ARHGAP35: variants seen among roughly 807,000 people sequenced by gnomAD.
ARHGAP35 encodes rho GTPase-activating protein 35.
ARHGAP35 carries 15 observed loss-of-function variants against 111.1 expected under a neutral mutation model. The ratio of observed to expected loss-of-function variants is 0.13; its 90% CI spans 0.09 to 0.21. The LOEUF (loss-of-function observed/expected upper bound fraction) is 0.21. Ranked by LOEUF, ARHGAP35 falls within the 10% of genes least tolerant of loss-of-function variation. ARHGAP35 has a pLI of 1.00. For missense variants in ARHGAP35, 1,262 were observed against 1,873.0 expected (o/e 0.67, Z 6.02); for synonymous variants, 643 against 710.3 (o/e 0.91, Z 1.51).
chr19:46,908,257 C>T lies in ARHGAP35; in HGVS notation c.-188-10231C>T, dbSNP rs1439293994. ...GGAATAATTTTATAGGTTTTACTTA[C>T]CCTTTTGAAAATCAATGTAAAATTG... On this transcript the variant is annotated intron_variant, in intron 1 of 6. Coordinates refer to ENST00000672722, the MANE Select transcript of ARHGAP35 (RefSeq NM_004491.5). This position sits in a 1 kb window ranked among gnomAD's most constrained non-coding sequence, Gnocchi z 4.2. Among the ~76,000 whole-genome samples, 5 of 152,184 alleles carry T rather than the reference C, an allele frequency of 3.3e-5. No homozygotes were observed. Among genetic ancestry groups the T allele is most frequent in the Non-Finnish European group, 4.4e-5 (3 of 68,032 alleles).
At chr19:46,893,631 C>G (rs749028019) in intron 1 of ARHGAP35, among the ~76,000 whole-genome samples, 2 of 151,770 alleles carry the variant, frequency 1.3e-5, no homozygotes, top group Non-Finnish European at 2.9e-5. Flanking sequence ...TTTTGCCCCC[C>G]TTGGTTTTGA....
rs375010889 is a variant in ARHGAP35, at chr19:46,988,119, C to T, written c.3904+53C>T. 8.5e-5 allele frequency: 131 copies of T among 1,540,008 alleles called. No homozygotes were observed. In the African/African-American group the frequency reaches 1.5e-3, roughly 18 times the overall value. On this transcript the variant is annotated intron_variant, in intron 4 of 6. Transcript: ENST00000672722. This position sits in a 1 kb window ranked among gnomAD's most constrained non-coding sequence, Gnocchi z 5.4. ...AGGCCAGAGCTGGTCAAGGCAGACA[C>T]AGCTGCCTCGGTGAACTGTCTGTGG...
intron 1 of ARHGAP35, among the ~76,000 whole-genome samples, chr19:46,869,295 T>C (rs2055875071): frequency 6.6e-6 from 1 of 151,712 alleles, no homozygotes. Flanking sequence ...CCTCCTGAGG[T>C]GTATATATAT....
At position 46,988,184 on chromosome 19, in the gene ARHGAP35, G is replaced by A. The variant is rs1205236188; in HGVS notation, c.3904+118G>A. On this transcript the variant is annotated intron_variant, in intron 4 of 6. Transcript: ENST00000672722. The surrounding 1 kb of genome is among the most constrained non-coding windows in gnomAD (Gnocchi z 5.4). The stretch of plus-strand genomic sequence containing the variant: ...CCTGCCAGCACAGACCCAAAGCCAC[G>A]AGGTGCTGAGACTGAGAAAGAGACC... The A allele has an allele frequency of 1.3e-5, 12 of 927,632 alleles. No individual in the cohort carries two copies. The highest frequency in any genetic ancestry group is 6.2e-5 in the Admixed American group (3 of 48,142). The allele number at this position is 927,632 out of a possible 1,614,324, so 57.5% of individuals were successfully genotyped here.
intron 3 of ARHGAP35, among the ~76,000 whole-genome samples, chr19:46,960,147 C>G (rs917506176): frequency 5.3e-5 from 8 of 151,444 alleles, no homozygotes; most frequent in African/African-American, 1.9e-4. Context: ...AAAAAAGTAA[C>G]CCGATCTTGT....
chr19:46,879,862 G>C (rs1321752973), intron 1 of ARHGAP35, among the ~76,000 whole-genome samples: 1 of 151,238 alleles, frequency 6.6e-6, no homozygotes, highest in African/African-American at 2.4e-5. Flanking sequence ...AAGGTGGACG[G>C]ATCACTTGAG....
chr19:46,985,115 G>GT (rs372952447), intron 3 of ARHGAP35, among the ~76,000 whole-genome samples: 1 of 152,260 alleles, frequency 6.6e-6, no homozygotes, highest in South Asian at 2.1e-4. Flanking sequence ...AGTTTTATTT[G>GT]TTTTTTTCAA....
At chr19:46,910,746 C>T (rs1316617448) in intron 1 of ARHGAP35, among the ~76,000 whole-genome samples, 1 of 151,988 alleles carries the variant, frequency 6.6e-6, no homozygotes, top group Non-Finnish European at 1.5e-5. Flanking sequence ...TGCATCACCA[C>T]AGCCAGCTAA....
At position 46,988,362 on chromosome 19, in the gene ARHGAP35, G is replaced by A. The variant is rs2056662406; in HGVS notation, c.3904+296G>A. 2.6e-6 allele frequency: 1 copy of A among 379,562 alleles called. No homozygotes were observed. The highest frequency in any genetic ancestry group is 5.7e-5 in the East Asian group (1 of 17,454). The allele number at this position is 379,562 out of a possible 1,614,324, so 23.5% of individuals were successfully genotyped here. A position where few individuals can be genotyped will look rare whatever the true frequency, so the allele number is the denominator to read the frequency against. ...GGGCACATGCCTCCCTCACCACACT[G>A]AAGAGCTTTGCCTGTTTTCCCATGC... On this transcript the variant is annotated intron_variant, in intron 4 of 6. Transcript: ENST00000672722. The surrounding 1 kb of genome is among the most constrained non-coding windows in gnomAD (Gnocchi z 5.4).
intron 3 of ARHGAP35, among the ~76,000 whole-genome samples, chr19:46,984,813 A>T (rs988107840): frequency 6.6e-6 from 1 of 152,218 alleles, no homozygotes. Flanking sequence ...TAATTGCCAG[A>T]TCGCTAATTT....
At chr19:46,931,252 G>GT (rs1389719075) in intron 2 of ARHGAP35, among the ~76,000 whole-genome samples, 1 of 152,180 alleles carries the variant, frequency 6.6e-6, no homozygotes, top group Non-Finnish European at 1.5e-5. Flanking sequence ...AACTGTTTTT[G>GT]TTCAGCAAAT....
intron 3 of ARHGAP35, among the ~76,000 whole-genome samples, chr19:46,941,072 C>T (rs2056344227): frequency 1.3e-5 from 2 of 152,174 alleles, no homozygotes; most frequent in South Asian, 4.1e-4. Flanking sequence ...CTCTCCCACT[C>T]CCTTCTTTCA....
chr19:46,971,439 G>A (rs953467284), intron 3 of ARHGAP35, among the ~76,000 whole-genome samples: 2 of 151,976 alleles, frequency 1.3e-5, no homozygotes, highest in African/African-American at 4.8e-5. Flanking sequence ...AAACTTCTGG[G>A]GGGTATCAGG....
intron 1 of ARHGAP35, among the ~76,000 whole-genome samples, chr19:46,902,855 G>A (rs759838828): frequency 6.6e-6 from 1 of 152,134 alleles, no homozygotes; most frequent in Non-Finnish European, 1.5e-5. Flanking sequence ...TTATTCTATT[G>A]TATATGATTC....
intron 3 of ARHGAP35, among the ~76,000 whole-genome samples, chr19:46,983,981 G>A (rs1369593285): frequency 6.6e-6 from 1 of 152,142 alleles, no homozygotes; most frequent in Non-Finnish European, 1.5e-5. Context: ...TTTCTACATG[G>A]CCTTGTTCAG....
intron 1 of ARHGAP35, among the ~76,000 whole-genome samples, chr19:46,903,287 T>C (rs938156079): frequency 2.0e-5 from 3 of 152,190 alleles, no homozygotes; most frequent in African/African-American, 7.2e-5. Flanking sequence ...TTTAACATAG[T>C]AAATGCCGTG....
At chr19:46,913,173 G>A (rs2056146933) in intron 1 of ARHGAP35, among the ~76,000 whole-genome samples, 1 of 148,820 alleles carries the variant, frequency 6.7e-6, no homozygotes. Context: ...GGATAATGGT[G>A]GAAGATTTTT....
intron 1 of ARHGAP35, among the ~76,000 whole-genome samples, chr19:46,863,974 T>A (rs914883890): frequency 6.6e-6 from 1 of 152,216 alleles, no homozygotes; most frequent in African/African-American, 2.4e-5. Context: ...GTGCCAAATG[T>A]CACTCAGATT....
At chr19:46,972,722 T>C (rs370834210) in intron 3 of ARHGAP35, among the ~76,000 whole-genome samples, 3 of 152,340 alleles carry the variant, frequency 2.0e-5, no homozygotes, top group African/African-American at 7.2e-5. Flanking sequence ...GGCCCTGTGC[T>C]AAGTGTTTCC....
Sources: gnomAD v4.1 joint callset for allele counts (sites outside exome capture counted in the v4.1 genomes callset) on GRCh38, gnomAD v4.1.1 for gene constraint, Gnocchi (gnomAD v3.1) non-coding constraint, MANE v1.5 for transcripts, NCBI Gene and HGNC (gene_info 2026-07-23, HGNC 2026-07-21) for gene names.